FBN1: variants seen among roughly 807,000 people sequenced by gnomAD.
FBN1 encodes the protein fibrillin 1.
A neutral mutation model predicts 365.1 loss-of-function variants in FBN1; 29 were observed. The ratio of observed to expected loss-of-function variants is 0.08; its 90% CI spans 0.06 to 0.11. FBN1 has a LOEUF of 0.11. Ranked by LOEUF, FBN1 falls within the 10% of genes least tolerant of loss-of-function variation. The pLI is 1.00. For synonymous variants in FBN1, 1,210 were observed against 1,270.5 expected (o/e 0.95, Z 1.01); for missense variants, 2,476 against 3,703.2 (o/e 0.67, Z 8.60).
chr15:48,537,400 G>A (rs1478582563), intron 7 of FBN1, among the ~76,000 whole-genome samples: 1 of 152,148 alleles, frequency 6.6e-6, no homozygotes, highest in Non-Finnish European at 1.5e-5. Context: ...GGTCAGAAAG[G>A]GGGAATGGTT....
chr15:48,553,834 G>A (rs1162304585), intron 6 of FBN1, among the ~76,000 whole-genome samples: 1 of 152,144 alleles, frequency 6.6e-6, no homozygotes, highest in Non-Finnish European at 1.5e-5. Flanking sequence ...TATAAGATGA[G>A]CACTGGAATC....
intron 34 of FBN1, 22 bp from the exon 35 acceptor site, chr15:48,472,698 C>G: frequency 1.2e-6 from 2 of 1,614,136 alleles, no homozygotes; most frequent in Non-Finnish European, 1.7e-6. Context: ...AAGAAACACA[C>G]GTTACTCTTC....
chr15:48,565,541 T>G lies in FBN1; in HGVS notation c.539-27733A>C, dbSNP rs112592584. 6.1e-3 allele frequency among the ~76,000 whole-genome samples: 895 copies of G among 145,978 alleles called. 10 individuals are homozygous for G. Among genetic ancestry groups the G allele is most frequent in the African/African-American group, 0.021 (847 of 39,782 alleles). ...GCTGACCCCATTATTACTAAATGAA[T>G]AAAAGGAAACCCACCAAGTAAAATA... On this transcript the variant is annotated intron_variant, in intron 6 of 65. Transcript: ENST00000316623.
chr15:48,607,214 GAGA>G (rs1287928849), intron 4 of FBN1, among the ~76,000 whole-genome samples: 5 of 151,776 alleles, frequency 3.3e-5, no homozygotes, highest in Admixed American at 6.6e-5. Context: ...AAAACAGAAT[GAGA>G]AGATTTCAAA....
At chr15:48,548,622 A>G (rs2044115466) in intron 6 of FBN1, among the ~76,000 whole-genome samples, 1 of 152,150 alleles carries the variant, frequency 6.6e-6, no homozygotes, top group Non-Finnish European at 1.5e-5. Flanking sequence ...CCCTCTTACC[A>G]CTTACTAGAG....
chr15:48,598,842 T>G (rs1388502156), intron 5 of FBN1, among the ~76,000 whole-genome samples: 2 of 152,226 alleles, frequency 1.3e-5, no homozygotes, highest in Non-Finnish European at 2.9e-5. Context: ...AATCTCATCT[T>G]GAATTCTCAT....
At chr15:48,428,201 G>A (rs2042995382) in intron 57 of FBN1, 145 bp downstream of exon 57, 1 of 1,035,908 alleles carries the variant, frequency 9.7e-7, no homozygotes, top group African/African-American at 1.6e-5. Flanking sequence ...GACAATCACA[G>A]TCATTACGGC....
chr15:48,447,752 A>G (rs2043170847), intron 46 of FBN1, among the ~76,000 whole-genome samples: 1 of 152,158 alleles, frequency 6.6e-6, no homozygotes, highest in African/African-American at 2.4e-5. Flanking sequence ...CACATTTTGG[A>G]CATGAAGATA....
At chr15:48,540,626 G>A (rs2044051234) in intron 6 of FBN1, among the ~76,000 whole-genome samples, 1 of 152,028 alleles carries the variant, frequency 6.6e-6, no homozygotes, top group Admixed American at 6.6e-5. Flanking sequence ...GATAAAAACA[G>A]TCATCAAGAT....
At chr15:48,581,179 G>A (rs572852300) in intron 6 of FBN1, among the ~76,000 whole-genome samples, 4 of 152,200 alleles carry the variant, frequency 2.6e-5, no homozygotes, top group Non-Finnish European at 5.9e-5. Flanking sequence ...TCTAGCCACT[G>A]TAATTAGACA....
chr15:48,599,751 G>A (rs148293894), intron 5 of FBN1, among the ~76,000 whole-genome samples: 15 of 152,238 alleles, frequency 9.9e-5, no homozygotes, highest in African/African-American at 3.6e-4. Flanking sequence ...AGAATGATGA[G>A]GCTGAGTTTT....
chr15:48,534,605 CA>C lies in FBN1; in HGVS notation c.737-401del, dbSNP rs551322773. Among the ~76,000 whole-genome samples, 115 of 152,266 alleles carry C rather than the reference CA, an allele frequency of 7.6e-4. 1 individual carries two copies. The highest frequency in any genetic ancestry group is 2.6e-3 in the African/African-American group (109 of 41,548). ...GAGTTATTCAAAAAATCTTGCAAAT[CA>C]AAATGCAATACATTTCTACAATGAA... On this transcript the variant is annotated intron_variant, in intron 7 of 65. Transcript: ENST00000316623.
chr15:48,560,955 C>T (rs1006016444), intron 6 of FBN1, among the ~76,000 whole-genome samples: 3 of 152,086 alleles, frequency 2.0e-5, no homozygotes, highest in Non-Finnish European at 4.4e-5. Context: ...ACTACCCAAC[C>T]CCCAGAGTTG....
At chr15:48,604,684 G>A (rs775387674) in intron 4 of FBN1, among the ~76,000 whole-genome samples, 1 of 152,208 alleles carries the variant, frequency 6.6e-6, no homozygotes, top group Non-Finnish European at 1.5e-5. Flanking sequence ...GGACAAGTCT[G>A]AGTAGATTCC....
intron 7 of FBN1, among the ~76,000 whole-genome samples, chr15:48,537,203 A>G (rs988962544): frequency 3.9e-5 from 6 of 152,228 alleles, no homozygotes; most frequent in African/African-American, 1.4e-4. Context: ...CTTCAGGTCA[A>G]TTAAGCACAA....
chr15:48,440,504 T>C (rs1385481660), intron 50 of FBN1, among the ~76,000 whole-genome samples: 1 of 152,176 alleles, frequency 6.6e-6, no homozygotes, highest in East Asian at 1.9e-4. Context: ...GACTGGTCTG[T>C]ACCATGCAGA....
At chr15:48,505,237 G>T in intron 15 of FBN1, 90 bp from the exon 16 acceptor site, 3 of 1,497,094 alleles carry the variant, frequency 2.0e-6, no homozygotes, top group Non-Finnish European at 2.8e-6. Context: ...CCTTGAAAAT[G>T]GGGAAGATAG....
intron 2 of FBN1, among the ~76,000 whole-genome samples, chr15:48,614,485 C>G (rs1889612046): frequency 6.6e-6 from 1 of 152,180 alleles, no homozygotes; most frequent in African/African-American, 2.4e-5. Context: ...AACATAAGGT[C>G]TTTGCTATGT....
In FBN1 at chr15:48,428,455, C is replaced by T. The variant is rs363830; in HGVS notation, c.6888G>A (p.Gln2296=). ...CATTCTCACAGATCCCTGGCTTCGT[C>T]TGACATTCATTCTCATCTGTTTGAT... is the stretch of plus-strand genomic sequence containing the variant. The part of the protein sequence containing the change: ...GEGCVDENEC[Q]TKPGICENGR... The change falls in exon 57 of 66, where the codon CAG becomes CAA. Residue 2296 remains glutamine, a synonymous_variant. Coordinates refer to ENST00000316623, the MANE Select transcript of FBN1 (RefSeq NM_000138.5). 0.023 allele frequency: 36,933 copies of T among 1,614,014 alleles called. 772 individuals are homozygous for T. Among genetic ancestry groups the T allele is most frequent in the East Asian group, 0.1 (4,648 of 44,844 alleles).
Sources: gnomAD v4.1 joint callset for allele counts (sites outside exome capture counted in the v4.1 genomes callset) on GRCh38, gnomAD v4.1.1 for gene constraint, MANE v1.5 for transcripts, NCBI Gene and HGNC (gene_info 2026-07-23, HGNC 2026-07-21) for gene names.